The following CSDE1 variants were observed in gnomAD, a reference collection of about 807,000 sequenced individuals.
CSDE1 encodes cold shock domain containing E1, also known as cold shock domain-containing protein E1.
In CSDE1, 17 loss-of-function variants were observed where a neutral mutation model predicts 89.3. That is an observed-to-expected ratio of 0.19 (90% CI 0.13 to 0.29). The LOEUF (loss-of-function observed/expected upper bound fraction) is 0.29, where lower values mean the gene tolerates loss of function less well. Ranked by LOEUF, CSDE1 falls within the 10% of genes least tolerant of loss-of-function variation. The pLI, the probability that CSDE1 is intolerant of heterozygous loss-of-function variation, is 1.00. For missense variants in CSDE1, 672 were observed against 984.2 expected (o/e 0.68, Z 4.24); for synonymous variants, 322 against 332.8 (o/e 0.97, Z 0.35).
chr1:114,753,170 A>C (rs74113597), intron 1 of CSDE1, among the ~76,000 whole-genome samples: 1 of 152,188 alleles, frequency 6.6e-6, no homozygotes, highest in Admixed American at 6.5e-5. Context: ...AGAACTCAAC[A>C]TGGAGAAAAC....
chr1:114,734,584 G>C lies in CSDE1; in HGVS notation c.501-61C>G, dbSNP rs1570922580. On this transcript the variant is annotated intron_variant, in intron 6 of 19. Coordinates refer to ENST00000358528, the MANE Select transcript of CSDE1 (RefSeq NM_001007553.3). ...ACAGGGATTAAAAATGTATTGGCCT[G>C]CTTAGATATGAGTCTAAAGAAACTA... 10 of 1,321,308 alleles carry C rather than the reference G, an allele frequency of 7.6e-6. No individual in the cohort carries two copies. In the East Asian group the frequency reaches 2.3e-4, roughly 31 times the overall value. The allele number at this position is 1,321,308 out of a possible 1,614,324, so 81.8% of individuals were successfully genotyped here. A position where few individuals can be genotyped will look rare whatever the true frequency, so the allele number is the denominator to read the frequency against.
intron 12 of CSDE1, among the ~76,000 whole-genome samples, chr1:114,727,557 T>G (rs1197720998): frequency 6.6e-6 from 1 of 152,190 alleles, no homozygotes; most frequent in East Asian, 1.9e-4. Context: ...GCAGGATAAT[T>G]TGGTGTATGA....
intron 1 of CSDE1, among the ~76,000 whole-genome samples, chr1:114,754,847 C>T (rs1661506136): frequency 6.6e-6 from 1 of 152,180 alleles, no homozygotes; most frequent in African/African-American, 2.4e-5. Context: ...TTATCTATCA[C>T]TTAACTGCTT....
Position 114,730,612 on chromosome 1 carries a change from T to C in CSDE1, c.1087A>G (p.Ile363Val). The change falls in exon 11 of 20, where the codon ATC becomes GTC. Residue 363 changes from isoleucine (I) to valine (V), a missense_variant. This residue lies in a region of CSDE1 where 169 missense variants were observed against 262.9 expected (regional missense o/e 0.64). Coordinates refer to ENST00000358528, the MANE Select transcript of CSDE1 (RefSeq NM_001007553.3). The part of the protein sequence containing the change: ...IAAMRDGFGF[I>V]KCVDRDVRMF... The stretch of plus-strand genomic sequence containing the variant: ...CGAACATCACGATCCACACACTTGA[T>C]GAAACCAAAACCATCTCTCATGGCA... The C allele has an allele frequency of 6.2e-7, 1 of 1,613,964 alleles. No homozygotes were observed. Among genetic ancestry groups the C allele is most frequent in the South Asian group, 1.1e-5 (1 of 91,084 alleles).
chr1:114,729,224 G>A (rs1026251840), intron 12 of CSDE1, among the ~76,000 whole-genome samples: 1 of 151,690 alleles, frequency 6.6e-6, no homozygotes, highest in Non-Finnish European at 1.5e-5. Flanking sequence ...TCAGCCTCCC[G>A]AGTAGCTGGG....
At chr1:114,720,437 CGAAT>C in intron 17 of CSDE1, 98 bp downstream of exon 17, 1 of 1,141,372 alleles carries the variant, frequency 8.8e-7, no homozygotes, top group Non-Finnish European at 1.2e-6. Context: ...AATAAAAAAA[CGAAT>C]GAATGTTGAT....
Position 114,730,395 on chromosome 1 carries a change from C to A in CSDE1, c.1219G>T (p.Ala407Ser). 1 of 1,614,022 alleles carries A rather than the reference C, an allele frequency of 6.2e-7. No homozygotes were observed. The highest frequency in any genetic ancestry group is 1.1e-5 in the South Asian group (1 of 91,036). The change falls in exon 12 of 20, where the codon GCT becomes TCT. Residue 407 changes from alanine to serine, a missense_variant. Transcript: ENST00000358528. ...PDMLSAQRNH[A>S]IRIKKLPKGT... ...TTGGGAAGTTTTTTAATCCTAATAG[C>A]ATGATTTCTTTGAGCAGAGAGCATA...
rs1461753524 is a variant in CSDE1, at chr1:114,736,872, C to T, written c.403-17G>A. On this transcript the variant is annotated splice_polypyrimidine_tract_variant and intron_variant, in intron 5 of 19. Transcript: ENST00000358528. Reference sequence around the variant, plus strand: ...AAACACTTCCTGTGAATTAATAAATCATTATTACTATTTTGGCAGGATGCA... The same window carrying T: ...AAACACTTCCTGTGAATTAATAAATTATTATTACTATTTTGGCAGGATGCA... 4.5e-6 allele frequency: 7 copies of T among 1,565,002 alleles called. No individual in the cohort carries two copies. Among genetic ancestry groups the T allele is most frequent in the Non-Finnish European group, 6.2e-6 (7 of 1,137,988 alleles).
In CSDE1 at chr1:114,727,010, T is replaced by C. The variant is rs1364404890; in HGVS notation, c.1437A>G (p.Gly479=). The change falls in exon 13 of 20, where the codon GGA becomes GGG. Residue 479 remains glycine, a synonymous_variant. Transcript: ENST00000358528. ...TATCTCCTATTTGAGGAGAAGTAGA[T>C]CCTTCCACATCCTTGGCTTGAAAAG... is the stretch of plus-strand genomic sequence containing the variant. The part of the protein sequence containing the change: ...TIAFQAKDVE[G]STSPQIGDKV... 2 of 1,613,108 alleles carry C rather than the reference T, an allele frequency of 1.2e-6. No individual in the cohort carries two copies. The highest frequency in any genetic ancestry group is 1.7e-5 in the Admixed American group (1 of 60,014).
intron 13 of CSDE1, among the ~76,000 whole-genome samples, chr1:114,726,713 A>G (rs985546086): frequency 2.0e-5 from 3 of 152,228 alleles, no homozygotes; most frequent in African/African-American, 7.2e-5. Context: ...ATGTTTCAGT[A>G]GTAACTGTTT....
intron 6 of CSDE1, 149 bp downstream of exon 6, chr1:114,736,609 C>T: frequency 3.5e-6 from 2 of 577,548 alleles, no homozygotes; most frequent in South Asian, 4.6e-5. Flanking sequence ...ATACAATATT[C>T]ATAGACCTCA....
At chr1:114,751,866 T>C (rs910592204) in intron 1 of CSDE1, among the ~76,000 whole-genome samples, 2 of 152,224 alleles carry the variant, frequency 1.3e-5, no homozygotes, top group Non-Finnish European at 2.9e-5. Flanking sequence ...ATTCATCTCT[T>C]ATCCTACTAA....
At position 114,757,457 on chromosome 1, in the gene CSDE1, G is replaced by A. The variant is rs916850372; in HGVS notation, c.-388+468C>T. 2.6e-5 allele frequency among the ~76,000 whole-genome samples: 4 copies of A among 152,120 alleles called. No individual in the cohort carries two copies. The East Asian group carries it at 7.8e-4, about 30-fold the overall frequency. On this transcript the variant is annotated intron_variant, in intron 1 of 19. Transcript: ENST00000358528. ...AAGTAGGCCCCTCTTCTCGGTCTCA[G>A]GCTCTTCCAACCTCACACAAAGGAC...
intron 1 of CSDE1, among the ~76,000 whole-genome samples, chr1:114,755,456 T>G (rs1389156904): frequency 6.6e-6 from 1 of 152,246 alleles, no homozygotes; most frequent in Admixed American, 6.5e-5. Flanking sequence ...GGGAAACTGA[T>G]AATTTTCAGC....
At chr1:114,719,548 TTAC>T in intron 18 of CSDE1, 28 bp downstream of exon 18, 1 of 1,605,084 alleles carries the variant, frequency 6.2e-7, no homozygotes, top group Non-Finnish European at 8.5e-7. Flanking sequence ...TCCAGGGTAG[TTAC>T]TAATCAAACC....
intron 2 of CSDE1, among the ~76,000 whole-genome samples, chr1:114,740,496 A>C (rs189070498): frequency 3.3e-5 from 5 of 152,222 alleles, no homozygotes; most frequent in Admixed American, 6.5e-5. Flanking sequence ...CTGAAACAAC[A>C]AAACTCCAAG....
chr1:114,753,649 G>A (rs1661426474), intron 1 of CSDE1, among the ~76,000 whole-genome samples: 1 of 152,176 alleles, frequency 6.6e-6, no homozygotes, highest in Admixed American at 6.5e-5. Flanking sequence ...TGGGGTGGTG[G>A]CTCTCGCTTG....
chr1:114,747,420 CAT>C (rs1199152207), intron 2 of CSDE1, among the ~76,000 whole-genome samples: 2 of 152,100 alleles, frequency 1.3e-5, no homozygotes, highest in Non-Finnish European at 2.9e-5. Flanking sequence ...CATATGTAAA[CAT>C]GTAATTTTTA....
Position 114,721,804 on chromosome 1 carries a change from T to C in CSDE1, c.1874-1087A>G, listed in dbSNP as rs187031209. ...TTTTGCCATGTTGCCCAGGCTGGTC[T>C]CAAACTCCTGGGCTCAAGTGATCTG... On this transcript the variant is annotated intron_variant, in intron 16 of 19. Coordinates refer to ENST00000358528, the MANE Select transcript of CSDE1 (RefSeq NM_001007553.3). Among the ~76,000 whole-genome samples the C allele has an allele frequency of 4.4e-3, 673 of 152,104 alleles. 3 individuals carry two copies. The highest frequency in any genetic ancestry group is 7.5e-3 in the Admixed American group (114 of 15,284).
Sources: gnomAD v4.1 joint callset for allele counts (sites outside exome capture counted in the v4.1 genomes callset) on GRCh38, gnomAD v4.1.1 for gene constraint, gnomAD v4.1.1 regional missense constraint, MANE v1.5 for transcripts, NCBI Gene and HGNC (gene_info 2026-07-23, HGNC 2026-07-21) for gene names.